ZFAT: variants seen among roughly 807,000 people sequenced by gnomAD.
The protein encoded by ZFAT is zinc finger protein ZFAT.
In ZFAT, 64 loss-of-function variants were observed where a neutral mutation model predicts 117.7. That is an observed-to-expected ratio of 0.54 (90% confidence interval 0.44 to 0.67). The LOEUF (loss-of-function observed/expected upper bound fraction) is 0.67, where lower values mean the gene tolerates loss of function less well. ZFAT is among the 30% of genes least tolerant of loss of function. The pLI, the probability that ZFAT is intolerant of heterozygous loss-of-function variation, is 0.00. For missense variants in ZFAT, 1,433 were observed against 1,584.5 expected (o/e 0.90, Z 1.62); for synonymous variants, 679 against 615.0 (o/e 1.10, Z -1.54).
intron 1 of ZFAT, among the ~76,000 whole-genome samples, chr8:134,697,712 G>A (rs1166183076): frequency 6.7e-6 from 1 of 149,994 alleles, no homozygotes; most frequent in African/African-American, 2.4e-5. Flanking sequence ...GGGCGACAGA[G>A]CGAGACTCCA....
chr8:134,478,304 T>A lies in ZFAT; in HGVS notation c.*178A>T. On this transcript the variant is annotated 3_prime_UTR_variant, in exon 16 of 16. Transcript: ENST00000377838. The surrounding 1 kb of genome is among the most constrained non-coding windows in gnomAD (Gnocchi z 5.2). ...GGTGAGGGTCCTGTGGTATTGCTGG[T>A]GATGCTGACTGCCTTGCCCACCCCA... 1 of 803,108 alleles carries A rather than the reference T, an allele frequency of 1.2e-6. No individual in the cohort carries two copies. The highest frequency in any genetic ancestry group is 1.9e-6 in the Non-Finnish European group (1 of 521,052). The allele number at this position is 803,108 out of a possible 1,614,324, so 49.7% of individuals were successfully genotyped here.
chr8:134,741,646 A>G, the ZFAT span, among the ~76,000 whole-genome samples: 1 of 152,024 alleles, frequency 6.6e-6, no homozygotes, highest in African/African-American at 2.4e-5. Context: ...TGTGGATTCA[A>G]TTACCATCTA....
At chr8:134,811,883 C>T in the ZFAT span, among the ~76,000 whole-genome samples, 5 of 152,204 alleles carry the variant, frequency 3.3e-5, no homozygotes, top group Admixed American at 1.3e-4. Flanking sequence ...ACCTATCTTG[C>T]CTGTGATCCT....
At chr8:134,588,431 C>A (rs1189421546) in intron 8 of ZFAT, 36 bp from the exon 9 acceptor site, 2 of 1,542,292 alleles carry the variant, frequency 1.3e-6, no homozygotes, top group Non-Finnish European at 1.7e-6. Context: ...GGAGTCAGAG[C>A]ACCTCAGGGG....
chr8:134,594,163 T>C (rs866243321), intron 7 of ZFAT, among the ~76,000 whole-genome samples: 2 of 152,258 alleles, frequency 1.3e-5, no homozygotes, highest in African/African-American at 4.8e-5. Flanking sequence ...CAACTTGCTC[T>C]GGTAGCCTGA....
chr8:134,600,403 G>A lies in ZFAT; in HGVS notation c.2475+33C>T, dbSNP rs187545634. ...TTGAGAAAGCAATGAGCACCCAGGG[G>A]AGACGGGGCTGCCGCTTGGGCTTGC... On this transcript the variant is annotated intron_variant, in intron 7 of 15. Coordinates refer to ENST00000377838, the MANE Select transcript of ZFAT (RefSeq NM_020863.4). 5.1e-4 allele frequency: 802 copies of A among 1,582,742 alleles called. 7 individuals are homozygous for A. Among genetic ancestry groups the A allele is most frequent in the Non-Finnish European group, 1.2e-4 (142 of 1,151,428 alleles).
the ZFAT span, among the ~76,000 whole-genome samples, chr8:134,823,023 C>G: frequency 6.6e-6 from 1 of 152,142 alleles, no homozygotes; most frequent in Non-Finnish European, 1.5e-5. Flanking sequence ...ACTTAAAGTA[C>G]AGGTTAAGGC....
chr8:134,709,619 G>A (rs1457775225), intron 1 of ZFAT, among the ~76,000 whole-genome samples: 1 of 152,202 alleles, frequency 6.6e-6, no homozygotes, highest in Non-Finnish European at 1.5e-5. Context: ...CCATCTTGGT[G>A]CAGAGTTTTT....
chr8:134,671,015 A>C (rs551670996), intron 1 of ZFAT, among the ~76,000 whole-genome samples: 153 of 152,316 alleles, frequency 1.0e-3, no homozygotes, highest in Non-Finnish European at 1.9e-3. Flanking sequence ...GAAATGGATA[A>C]ATTCCTGGAC....
the ZFAT span, among the ~76,000 whole-genome samples, chr8:134,818,630 CAA>C: frequency 1.3e-5 from 2 of 152,210 alleles, no homozygotes; most frequent in African/African-American, 4.8e-5. Flanking sequence ...TATGTCCATA[CAA>C]AGACATGTAC....
the ZFAT span, among the ~76,000 whole-genome samples, chr8:134,777,608 C>G: frequency 7.2e-5 from 11 of 152,270 alleles, no homozygotes; most frequent in African/African-American, 2.6e-4. Flanking sequence ...ATAGTAGATG[C>G]TATTTAAATG....
intron 11 of ZFAT, among the ~76,000 whole-genome samples, chr8:134,561,705 A>T (rs1444301044): frequency 1.3e-5 from 2 of 152,232 alleles, no homozygotes; most frequent in Non-Finnish European, 2.9e-5. Flanking sequence ...CTTGTAAGCC[A>T]ATCACAATTG....
chr8:134,822,617 G>A, the ZFAT span, among the ~76,000 whole-genome samples: 2 of 152,082 alleles, frequency 1.3e-5, no homozygotes, highest in African/African-American at 4.8e-5. Context: ...GCATAAGTGT[G>A]AGAAAGTAAA....
the ZFAT span, among the ~76,000 whole-genome samples, chr8:134,739,017 G>A: frequency 1.3e-5 from 2 of 152,166 alleles, no homozygotes; most frequent in Admixed American, 1.3e-4. Context: ...ATACAGGATG[G>A]CATAGGACTC....
chr8:134,696,445 C>T lies in ZFAT; in HGVS notation c.19+16400G>A, dbSNP rs547358839. 73 of 985,678 alleles carry T rather than the reference C, an allele frequency of 7.4e-5. No homozygotes were observed. The African/African-American group carries it at 1.2e-3, about 16-fold the overall frequency. 61.1% of individuals were successfully genotyped at this position (985,678 alleles called of 1,614,324 possible). ...GGGAGAATTACCTCGTAAACCTCCA[C>T]CAAGGGCAGAGTAGGAGGGATGCTG... is the stretch of plus-strand genomic sequence containing the variant. On this transcript the variant is annotated intron_variant, in intron 1 of 15. Coordinates refer to ENST00000377838, the MANE Select transcript of ZFAT (RefSeq NM_020863.4).
chr8:134,497,764 C>G (rs1349256558), intron 15 of ZFAT, among the ~76,000 whole-genome samples: 4 of 108,472 alleles, frequency 3.7e-5, no homozygotes, highest in Non-Finnish European at 7.6e-5. Context: ...CTGCTGGTTA[C>G]ACACAGAGCC....
At chr8:134,720,219 G>C in the ZFAT span, among the ~76,000 whole-genome samples, 1 of 152,228 alleles carries the variant, frequency 6.6e-6, no homozygotes, top group African/African-American at 2.4e-5. Flanking sequence ...ACCCTGCACT[G>C]TGCAAAAGAA....
intron 12 of ZFAT, among the ~76,000 whole-genome samples, chr8:134,528,153 G>A (rs893408985): frequency 6.6e-6 from 1 of 152,178 alleles, no homozygotes; most frequent in Non-Finnish European, 1.5e-5. Flanking sequence ...TCAAACATGG[G>A]AGTGGCAAAG....
the ZFAT span, chr8:134,786,023 A>G: frequency 6.6e-6 from 1 of 152,198 alleles, no homozygotes; most frequent in Non-Finnish European, 1.5e-5. Context: ...TAGAGTTTTA[A>G]TTGTGAATGA....
Sources: gnomAD v4.1 joint callset for allele counts (sites outside exome capture counted in the v4.1 genomes callset) on GRCh38, gnomAD v4.1.1 for gene constraint, Gnocchi (gnomAD v3.1) non-coding constraint, MANE v1.5 for transcripts, NCBI Gene and HGNC (gene_info 2026-07-23, HGNC 2026-07-21) for gene names.